The following RS1 variants were observed in gnomAD, a reference collection of about 807,000 sequenced individuals.
RS1 encodes retinoschisin.
RS1 carries 2 observed loss-of-function variants against 20.8 expected under a neutral mutation model. The observed-to-expected ratio is 0.10, with a 90% confidence interval of 0.04 to 0.30. The LOEUF (loss-of-function observed/expected upper bound fraction) is 0.30, where lower values mean the gene tolerates loss of function less well. Ranked by LOEUF, RS1 falls within the 10% of genes least tolerant of loss-of-function variation. RS1 has a pLI of 1.00. For missense variants in RS1, 151 were observed against 189.8 expected (o/e 0.80, Z 1.20); for synonymous variants, 70 against 75.8 (o/e 0.92, Z 0.40).
intron 5 of RS1, 59 bp from the exon 6 acceptor site, chrX:18,642,215 T>G: frequency 1.8e-6 from 2 of 1,132,550 alleles, no homozygotes; most frequent in Non-Finnish European, 2.4e-6. Context: ...GGAAGAAGGG[T>G]TCCTTTCTGG....
At chrX:18,671,886 C>T in intron 1 of RS1, 131 bp downstream of exon 1, 1 of 604,461 alleles carries the variant, frequency 1.7e-6, no homozygotes, top group Non-Finnish European at 2.7e-6. Flanking sequence ...ATTAATAACA[C>T]ATGTTAGTTA....
intron 5 of RS1, among the ~76,000 whole-genome samples, chrX:18,642,588 C>T (rs1480997727): frequency 8.9e-6 from 1 of 111,982 alleles, no homozygotes; most frequent in Non-Finnish European, 1.9e-5. Context: ...TTTGAAAAGG[C>T]CCACATCACA....
chrX:18,654,165 T>TG (rs60161164), intron 3 of RS1, among the ~76,000 whole-genome samples: 2 of 103,634 alleles, frequency 1.9e-5, no homozygotes, highest in African/African-American at 7.0e-5. Flanking sequence ...TTTTTTTTTT[T>TG]GGTGGGGGGG....
At chrX:18,664,297 A>G (rs770053803) in intron 1 of RS1, among the ~76,000 whole-genome samples, 2 of 112,500 alleles carry the variant, frequency 1.8e-5, no homozygotes, top group South Asian at 3.7e-4. Context: ...GAGAAGTCCA[A>G]TGCTGAAGCA....
intron 3 of RS1, among the ~76,000 whole-genome samples, chrX:18,648,678 G>C (rs1927896553): frequency 8.9e-6 from 1 of 112,142 alleles, no homozygotes; most frequent in Non-Finnish European, 1.9e-5. Context: ...GAGACATAAA[G>C]ACTGCCTGCT....
chrX:18,641,809 T>TG lies in RS1; in HGVS notation c.*194dup, dbSNP rs1049381209. On this transcript the variant is annotated 3_prime_UTR_variant, in exon 6 of 6. Transcript: ENST00000379984. ...TGTTCTGACTTTCTCTGGCCCTGAG[T>TG]GGGGAATAAGTTCATTTTTATTTCA... 3.4e-5 allele frequency: 15 copies of TG among 437,391 alleles called. No homozygotes were observed. In the Admixed American group the frequency reaches 6.1e-4, roughly 18 times the overall value. 36.0% of individuals were successfully genotyped at this position (437,391 alleles called of 1,213,427 possible).
chrX:18,661,676 G>C (rs1928310639), intron 1 of RS1, among the ~76,000 whole-genome samples: 1 of 111,446 alleles, frequency 9.0e-6, no homozygotes. Context: ...GTCGGGCTTG[G>C]TAGGTGGCCC....
Position 18,669,487 on chromosome X carries a change from CA to C in RS1, c.52+2529del, listed in dbSNP as rs386416704. Among the ~76,000 whole-genome samples the C allele has an allele frequency of 1.1e-3, 65 of 58,878 alleles. 1 individual carries two copies. Among genetic ancestry groups the C allele is most frequent in the East Asian group, 5.8e-3 (7 of 1,208 alleles). 51.1% of individuals were successfully genotyped at this position (58,878 alleles called of 115,157 possible). ...GCCTGGGCAACAAGAGTGAAATTCT[CA>C]AAAAAAAAAAAAAAAAGACATAGGA... is the stretch of plus-strand genomic sequence containing the variant. On this transcript the variant is annotated intron_variant, in intron 1 of 5. Transcript: ENST00000379984.
In RS1 at chrX:18,641,988, C is replaced by T; in HGVS notation, c.*16G>A. 2 of 1,210,296 alleles carry T rather than the reference C, an allele frequency of 1.7e-6. No individual in the cohort carries two copies. The highest frequency in any genetic ancestry group is 1.1e-6 in the Non-Finnish European group (1 of 895,202). ...GTGCCAGTCACCCCCTGGCAGGCGCCGAGCTGAGGCAGGCATCAGGCACAC... is the reference window on the plus strand; with the variant it reads ...GTGCCAGTCACCCCCTGGCAGGCGCTGAGCTGAGGCAGGCATCAGGCACAC... On this transcript the variant is annotated 3_prime_UTR_variant, in exon 6 of 6. Coordinates refer to ENST00000379984, the MANE Select transcript of RS1 (RefSeq NM_000330.4).
rs1927752550 is a variant in RS1 at position 18,645,936 on chromosome X, A to C, written c.326+1255T>G. On this transcript the variant is annotated intron_variant, in intron 4 of 5. Transcript: ENST00000379984. ...TGGGATGTGGGCAGAAGTGGCCAAT[A>C]GAATATGTTTGTGTTCTTAAAGGCA... is the stretch of plus-strand genomic sequence containing the variant. The C allele has an allele frequency of 2.5e-6, 3 of 1,205,966 alleles. No homozygotes were observed. In the African/African-American group the frequency reaches 5.2e-5, roughly 21 times the overall value.
In RS1 at chrX:18,647,180, G is replaced by A; in HGVS notation, c.326+11C>T. Reference sequence around the variant, plus strand: ...AAAGCACATGAAAAAAAATCCCCGGGCCCTGCTTACCCAAAGCCTTGACTG... The same window carrying A: ...AAAGCACATGAAAAAAAATCCCCGGACCCTGCTTACCCAAAGCCTTGACTG... On this transcript the variant is annotated intron_variant, in intron 4 of 5. Coordinates refer to ENST00000379984, the MANE Select transcript of RS1 (RefSeq NM_000330.4). The A allele has an allele frequency of 8.3e-7, 1 of 1,210,263 alleles. No homozygotes were observed. Among genetic ancestry groups the A allele is most frequent in the African/African-American group, 1.7e-5 (1 of 57,452 alleles).
chrX:18,639,836 A>G lies in RS1; in HGVS notation c.*2168T>C. 1 of 112,462 alleles carries G rather than the reference A, an allele frequency of 8.9e-6. No individual in the cohort carries two copies. Among genetic ancestry groups the G allele is most frequent in the Non-Finnish European group, 1.9e-5 (1 of 53,311 alleles). 9.3% of individuals were successfully genotyped at this position (112,462 alleles called of 1,213,427 possible). ...CAGCAATAAAAAGGAGTGACAAGTGACATAGTGATACACATGTTATAACGT... is the reference window on the plus strand; with the variant it reads ...CAGCAATAAAAAGGAGTGACAAGTGGCATAGTGATACACATGTTATAACGT... On this transcript the variant is annotated 3_prime_UTR_variant, in exon 6 of 6. Transcript: ENST00000379984.
intron 3 of RS1, among the ~76,000 whole-genome samples, chrX:18,651,260 TGTGTGAGAGAGA>T (rs1928027681): frequency 1.2e-5 from 1 of 81,590 alleles, no homozygotes; most frequent in African/African-American, 4.5e-5. Flanking sequence ...TGTGTGTGTG[TGTGTGAGAGAGA>T]GAGAGAGAGA....
chrX:18,663,210 G>C (rs1187139388), intron 1 of RS1, among the ~76,000 whole-genome samples: 2 of 108,485 alleles, frequency 1.8e-5, no homozygotes, highest in Non-Finnish European at 3.8e-5. Context: ...GGCTAATTTT[G>C]TATTTTTAGT....
chrX:18,647,815 C>T (rs1569230421), intron 3 of RS1, among the ~76,000 whole-genome samples: 1 of 110,856 alleles, frequency 9.0e-6, no homozygotes, highest in Admixed American at 9.6e-5. Context: ...CACAGTGAGA[C>T]GCAAGAAGGG....
chrX:18,655,839 GGA>G (rs1928201965), intron 3 of RS1, among the ~76,000 whole-genome samples: 1 of 110,391 alleles, frequency 9.1e-6, no homozygotes, highest in Non-Finnish European at 1.9e-5. Flanking sequence ...CACCTCCATT[GGA>G]CAGACAAGGA....
Position 18,647,245 on chromosome X carries a change from C to G in RS1, c.272G>C (p.Gly91Ala), listed in dbSNP as rs373612815. The change falls in exon 4 of 6, where the codon GGC (glycine) becomes GCC (alanine). Residue 91 changes from glycine (G) to alanine (A), a missense_variant. Transcript: ENST00000379984. ...ITCSNPEQYVGWYSSWTANKA... is the reference protein window; with the variant it reads ...ITCSNPEQYVAWYSSWTANKA... Reference sequence around the variant, plus strand: ...GTTTGCAGTCCACGAAGAATACCAGCCCACATACTGCTCCGGGTTAGAGCA... The same window carrying G: ...GTTTGCAGTCCACGAAGAATACCAGGCCACATACTGCTCCGGGTTAGAGCA... The G allele has an allele frequency of 8.3e-7, 1 of 1,210,830 alleles. No individual in the cohort carries two copies. The highest frequency in any genetic ancestry group is 1.1e-6 in the Non-Finnish European group (1 of 895,123).
intron 4 of RS1, among the ~76,000 whole-genome samples, chrX:18,644,903 T>G (rs191528187): frequency 8.9e-6 from 1 of 112,772 alleles, no homozygotes; most frequent in African/African-American, 3.2e-5. Flanking sequence ...GTGGCTGAAA[T>G]TGCCTTTGGG....
chrX:18,648,389 A>G (rs1395808293), intron 3 of RS1, among the ~76,000 whole-genome samples: 1 of 110,143 alleles, frequency 9.1e-6, no homozygotes, highest in Non-Finnish European at 1.9e-5. Context: ...CCACAGGTGC[A>G]CACCACCACA....
Sources: allele counts gnomAD v4.1 joint callset (sites outside exome capture counted in the v4.1 genomes callset), GRCh38; gene constraint gnomAD v4.1.1; transcripts MANE v1.5; gene names NCBI Gene and HGNC (gene_info 2026-07-23, HGNC 2026-07-21).